The following JAKMIP1 variants were observed in gnomAD, a reference collection of about 807,000 sequenced individuals.
JAKMIP1 encodes the protein janus kinase and microtubule interacting protein 1, also known as janus kinase and microtubule-interacting protein 1.
A neutral mutation model predicts 113.0 loss-of-function variants in JAKMIP1; 33 were observed. That is an observed-to-expected ratio of 0.29 (90% confidence interval 0.22 to 0.39). The LOEUF (loss-of-function observed/expected upper bound fraction) is 0.39. JAKMIP1 is among the 10% of genes least tolerant of loss of function. JAKMIP1 has a pLI of 1.00. For synonymous variants in JAKMIP1, 480 were observed against 459.9 expected (o/e 1.04, Z -0.56); for missense variants, 813 against 1,080.5 (o/e 0.75, Z 3.47).
At chr4:6,161,245 C>A (rs1722911554) in intron 1 of JAKMIP1, among the ~76,000 whole-genome samples, 1 of 149,938 alleles carries the variant, frequency 6.7e-6, no homozygotes, top group South Asian at 2.1e-4. Flanking sequence ...CTCACCTCCC[C>A]TGACCTCCAC....
chr4:6,125,771 A>C, intron 1 of JAKMIP1, among the ~76,000 whole-genome samples: 1 of 146,664 alleles, frequency 6.8e-6, no homozygotes. Context: ...CACACCATAC[A>C]CACCATGCAG....
intron 1 of JAKMIP1, among the ~76,000 whole-genome samples, chr4:6,171,236 G>T (rs1233014842): frequency 8.1e-6 from 1 of 123,258 alleles, no homozygotes; most frequent in Non-Finnish European, 1.8e-5. Context: ...CATTCCCACT[G>T]CCATACCACC....
intron 1 of JAKMIP1, among the ~76,000 whole-genome samples, chr4:6,182,514 C>T (rs1726162400): frequency 6.6e-6 from 1 of 152,058 alleles, no homozygotes; most frequent in Non-Finnish European, 1.5e-5. Flanking sequence ...TGCGAGGGCA[C>T]AGTAAGAAGG....
chr4:6,176,701 G>A lies in JAKMIP1; in HGVS notation c.-148+23552C>T, dbSNP rs1397779190. On this transcript the variant is annotated intron_variant, in intron 1 of 20. Transcript: ENST00000409021. This position sits in a 1 kb window ranked among gnomAD's most constrained non-coding sequence, Gnocchi z 5.5. ...ATGCAAAAGGACCCAGGATTTGCCA[G>A]CCTGTGTGGCCAGCAAGAAATTGGA... Among the ~76,000 whole-genome samples the A allele has an allele frequency of 6.6e-6, 1 of 152,188 alleles. No individual in the cohort carries two copies. Among genetic ancestry groups the A allele is most frequent in the African/African-American group, 2.4e-5 (1 of 41,432 alleles).
rs1367398347 is a variant in JAKMIP1, at chr4:6,140,773, G to A, written c.-147-27776C>T. Among the ~76,000 whole-genome samples, 1 of 152,134 alleles carries A rather than the reference G, an allele frequency of 6.6e-6. No homozygotes were observed. The highest frequency in any genetic ancestry group is 1.5e-5 in the Non-Finnish European group (1 of 68,028). ...TTTCTCTCGTCTGGTGTCATCCTTTGGGCAATAAGAAAGATGCAATTAAGT... is the reference window on the plus strand; with the variant it reads ...TTTCTCTCGTCTGGTGTCATCCTTTAGGCAATAAGAAAGATGCAATTAAGT... On this transcript the variant is annotated intron_variant, in intron 1 of 20. Coordinates refer to ENST00000409021, the MANE Select transcript of JAKMIP1 (RefSeq NM_001099433.2). This position sits in a 1 kb window ranked among gnomAD's most constrained non-coding sequence, Gnocchi z 9.4.
intron 8 of JAKMIP1, among the ~76,000 whole-genome samples, chr4:6,078,006 C>T (rs1327960617): frequency 6.6e-6 from 1 of 152,178 alleles, no homozygotes; most frequent in Non-Finnish European, 1.5e-5. Flanking sequence ...CATTCACTAT[C>T]ACATTTGCAC....
At chr4:6,057,001 T>C (rs1268111943) in intron 11 of JAKMIP1, among the ~76,000 whole-genome samples, 28 of 152,206 alleles carry the variant, frequency 1.8e-4, no homozygotes, top group Admixed American at 1.8e-3. Flanking sequence ...GACTCCATTC[T>C]GTCCGTCTAA....
intron 20 of JAKMIP1, among the ~76,000 whole-genome samples, chr4:6,027,723 C>A (rs1409027901): frequency 6.6e-6 from 1 of 152,048 alleles, no homozygotes; most frequent in African/African-American, 2.4e-5. Context: ...AGAAAAGAGT[C>A]GAAAAAAGAG....
chr4:6,128,173 C>T (rs74660610), intron 1 of JAKMIP1, among the ~76,000 whole-genome samples: 4,003 of 152,282 alleles, frequency 0.026, 82 homozygotes, highest in Middle Eastern at 0.048. Flanking sequence ...TAGAGCCAGA[C>T]GGACATGGAT....
At chr4:6,062,237 G>A in intron 10 of JAKMIP1, 75 bp downstream of exon 10, 3 of 1,527,186 alleles carry the variant, frequency 2.0e-6, no homozygotes, top group South Asian at 1.1e-5. Context: ...GCCAGGGTAT[G>A]TCACACTTCT....
rs113473538 is a variant in JAKMIP1, at chr4:6,136,295, G to A, written c.-147-23298C>T. Among the ~76,000 whole-genome samples the A allele has an allele frequency of 8.5e-5, 13 of 152,092 alleles. No individual in the cohort carries two copies. The highest frequency in any genetic ancestry group is 2.6e-4 in the Admixed American group (4 of 15,274). ...GTACCAAAGTGCTTGACGTCTAAAT[G>A]CAGGCATCTGTGAATCCATATTTCA... On this transcript the variant is annotated intron_variant, in intron 1 of 20. Transcript: ENST00000409021. The surrounding 1 kb of genome is among the most constrained non-coding windows in gnomAD (Gnocchi z 5.9).
Position 6,139,950 on chromosome 4 carries a change from TC to T in JAKMIP1, c.-147-26954del, listed in dbSNP as rs1719867302. On this transcript the variant is annotated intron_variant, in intron 1 of 20. Coordinates refer to ENST00000409021, the MANE Select transcript of JAKMIP1 (RefSeq NM_001099433.2). The surrounding 1 kb of genome is among the most constrained non-coding windows in gnomAD (Gnocchi z 5.2). ...GCCAGGGGAGAGGCCTGGGGCAGAG[TC>T]CCCTCGCAGCCTCAGATGGGGTCAA... Among the ~76,000 whole-genome samples, 1 of 151,462 alleles carries T rather than the reference TC, an allele frequency of 6.6e-6. No individual in the cohort carries two copies. Among genetic ancestry groups the T allele is most frequent in the Non-Finnish European group, 1.5e-5 (1 of 67,888 alleles).
At position 6,141,521 on chromosome 4, in the gene JAKMIP1, C is replaced by A. The variant is rs1720149481; in HGVS notation, c.-147-28524G>T. 6.6e-6 allele frequency among the ~76,000 whole-genome samples: 1 copy of A among 152,162 alleles called. No individual in the cohort carries two copies. The highest frequency in any genetic ancestry group is 2.1e-4 in the South Asian group (1 of 4,824). Reference sequence around the variant, plus strand: ...AGATGAAACCCTTCCTGGGTTGCTGCTTTACAAAACAAATATTGACTACAG... The same window carrying A: ...AGATGAAACCCTTCCTGGGTTGCTGATTTACAAAACAAATATTGACTACAG... On this transcript the variant is annotated intron_variant, in intron 1 of 20. Coordinates refer to ENST00000409021, the MANE Select transcript of JAKMIP1 (RefSeq NM_001099433.2). This position sits in a 1 kb window ranked among gnomAD's most constrained non-coding sequence, Gnocchi z 9.4.
rs900022048 is a variant in JAKMIP1 at position 6,168,096 on chromosome 4, C to T, written c.-148+32157G>A. On this transcript the variant is annotated intron_variant, in intron 1 of 20. Coordinates refer to ENST00000409021, the MANE Select transcript of JAKMIP1 (RefSeq NM_001099433.2). This position sits in a 1 kb window ranked among gnomAD's most constrained non-coding sequence, Gnocchi z 4.6. ...AATCAAAACCGCAGTGAGACGGCACCACACACCACCCAGGACGGCTGCAAT... is the reference window on the plus strand; with the variant it reads ...AATCAAAACCGCAGTGAGACGGCACTACACACCACCCAGGACGGCTGCAAT... Among the ~76,000 whole-genome samples the T allele has an allele frequency of 3.3e-5, 5 of 152,174 alleles. No individual in the cohort carries two copies. The highest frequency in any genetic ancestry group is 7.3e-5 in the Non-Finnish European group (5 of 68,040).
Position 6,085,647 on chromosome 4 carries a change from T to C in JAKMIP1, c.625-18A>G. The C allele has an allele frequency of 6.2e-7, 1 of 1,611,310 alleles. No individual in the cohort carries two copies. Among genetic ancestry groups the C allele is most frequent in the Non-Finnish European group, 8.5e-7 (1 of 1,178,540 alleles). On this transcript the variant is annotated intron_variant, in intron 3 of 20. Coordinates refer to ENST00000409021, the MANE Select transcript of JAKMIP1 (RefSeq NM_001099433.2). Reference sequence around the variant, plus strand: ...TCATCCATCTGAAAAGGAGAAAGAATAAGCAGTCAGCCCTAGGGGCTCATG... The same window carrying C: ...TCATCCATCTGAAAAGGAGAAAGAACAAGCAGTCAGCCCTAGGGGCTCATG...
Position 6,081,836 on chromosome 4 carries a change from T to G in JAKMIP1, c.955-81A>C. On this transcript the variant is annotated intron_variant, in intron 5 of 20. Coordinates refer to ENST00000409021, the MANE Select transcript of JAKMIP1 (RefSeq NM_001099433.2). This position sits in a 1 kb window ranked among gnomAD's most constrained non-coding sequence, Gnocchi z 4.6. ...TCACAGCACCGAGGTGAGCAGAGACTCAACCCAGTTAGGACCCCTTCTGAG... is the reference window on the plus strand; with the variant it reads ...TCACAGCACCGAGGTGAGCAGAGACGCAACCCAGTTAGGACCCCTTCTGAG... 1 of 1,549,584 alleles carries G rather than the reference T, an allele frequency of 6.5e-7. No homozygotes were observed. Among genetic ancestry groups the G allele is most frequent in the South Asian group, 1.2e-5 (1 of 85,890 alleles).
chr4:6,177,888 C>G (rs1725545798), intron 1 of JAKMIP1, among the ~76,000 whole-genome samples: 1 of 152,210 alleles, frequency 6.6e-6, no homozygotes, highest in South Asian at 2.1e-4. Flanking sequence ...CTTCCCCAGC[C>G]CCAGCCAAGA....
rs988932775 is a variant in JAKMIP1 at position 6,137,614 on chromosome 4, A to G, written c.-147-24617T>C. Among the ~76,000 whole-genome samples the G allele has an allele frequency of 6.6e-6, 1 of 152,206 alleles. No individual in the cohort carries two copies. The highest frequency in any genetic ancestry group is 1.5e-5 in the Non-Finnish European group (1 of 68,038). The stretch of plus-strand genomic sequence containing the variant: ...CAATCCACACTCTCTCCGCACCTGG[A>G]GGCAATGACCCCCACAGGGGACCAA... On this transcript the variant is annotated intron_variant, in intron 1 of 20. Transcript: ENST00000409021. This position sits in a 1 kb window ranked among gnomAD's most constrained non-coding sequence, Gnocchi z 4.5.
At position 6,150,710 on chromosome 4, in the gene JAKMIP1, T is replaced by C. The variant is rs1468130538; in HGVS notation, c.-147-37713A>G. 1.3e-5 allele frequency among the ~76,000 whole-genome samples: 2 copies of C among 152,102 alleles called. No individual in the cohort carries two copies. The highest frequency in any genetic ancestry group is 4.8e-5 in the African/African-American group (2 of 41,414). On this transcript the variant is annotated intron_variant, in intron 1 of 20. Coordinates refer to ENST00000409021, the MANE Select transcript of JAKMIP1 (RefSeq NM_001099433.2). This position sits in a 1 kb window ranked among gnomAD's most constrained non-coding sequence, Gnocchi z 4.8. ...CAGAAAACTGCCCTGATGCTACAGGTAGGAAGAAAAATCTTTTAAAAGCAC... is the reference window on the plus strand; with the variant it reads ...CAGAAAACTGCCCTGATGCTACAGGCAGGAAGAAAAATCTTTTAAAAGCAC...
Sources: gnomAD v4.1 joint callset for allele counts (sites outside exome capture counted in the v4.1 genomes callset) on GRCh38, gnomAD v4.1.1 for gene constraint, Gnocchi (gnomAD v3.1) non-coding constraint, MANE v1.5 for transcripts, NCBI Gene and HGNC (gene_info 2026-07-23, HGNC 2026-07-21) for gene names.